DPP10: variants seen among roughly 807,000 people sequenced by gnomAD.
DPP10 encodes inactive dipeptidyl peptidase 10.
A neutral mutation model predicts 120.9 loss-of-function variants in DPP10; 33 were observed. The ratio of observed to expected loss-of-function variants is 0.27; its 90% CI spans 0.21 to 0.37. The LOEUF (loss-of-function observed/expected upper bound fraction) is 0.37, where lower values mean the gene tolerates loss of function less well. Ranked by LOEUF, DPP10 falls within the 10% of genes least tolerant of loss-of-function variation. The pLI is 1.00. For synonymous variants in DPP10, 337 were observed against 326.1 expected (o/e 1.03, Z -0.36); for missense variants, 816 against 942.8 (o/e 0.87, Z 1.76).
At chr2:115,216,560 G>C (rs141347036) in intron 1 of DPP10, among the ~76,000 whole-genome samples, 1 of 152,078 alleles carries the variant, frequency 6.6e-6, no homozygotes, top group Non-Finnish European at 1.5e-5. Flanking sequence ...GAGGCAGGTG[G>C]ATCACCTGAG....
At chr2:114,899,565 A>G (rs1174984155) in intron 1 of DPP10, among the ~76,000 whole-genome samples, 5 of 152,108 alleles carry the variant, frequency 3.3e-5, no homozygotes, top group Admixed American at 6.5e-5. Context: ...CTTAAACACT[A>G]TAGTTTAATT....
chr2:115,632,893 A>G (rs1291170850), intron 5 of DPP10, among the ~76,000 whole-genome samples: 1 of 152,172 alleles, frequency 6.6e-6, no homozygotes, highest in Non-Finnish European at 1.5e-5. Context: ...ACCATCTCAC[A>G]CCAGTTAGAA....
At chr2:115,528,942 A>G (rs2078295644) in intron 5 of DPP10, among the ~76,000 whole-genome samples, 1 of 152,086 alleles carries the variant, frequency 6.6e-6, no homozygotes, top group South Asian at 2.1e-4. Flanking sequence ...TCTTAATTAT[A>G]TAAATGTCAA....
At chr2:115,450,350 G>A (rs181586839) in intron 3 of DPP10, among the ~76,000 whole-genome samples, 1 of 151,998 alleles carries the variant, frequency 6.6e-6, no homozygotes, top group African/African-American at 2.4e-5. Flanking sequence ...TTATATCATC[G>A]CACAGTGGAA....
At chr2:114,869,564 A>G (rs1690520988) in intron 1 of DPP10, among the ~76,000 whole-genome samples, 1 of 152,154 alleles carries the variant, frequency 6.6e-6, no homozygotes, top group Non-Finnish European at 1.5e-5. Context: ...AAGGCAGCCA[A>G]CCCTAGGTTA....
At chr2:115,316,287 A>C (rs575013368) in intron 2 of DPP10, among the ~76,000 whole-genome samples, 1 of 152,348 alleles carries the variant, frequency 6.6e-6, no homozygotes. Flanking sequence ...TCACTCTCTC[A>C]GGCACTTTTA....
At chr2:114,903,977 A>G (rs2106634815) in intron 1 of DPP10, among the ~76,000 whole-genome samples, 1 of 152,366 alleles carries the variant, frequency 6.6e-6, no homozygotes, top group Admixed American at 6.5e-5. Context: ...TACCCAGTAT[A>G]TAATATTTTG....
At chr2:114,479,764 G>A (rs926116854) in intron 1 of DPP10, among the ~76,000 whole-genome samples, 3 of 152,140 alleles carry the variant, frequency 2.0e-5, no homozygotes, top group African/African-American at 7.2e-5. Flanking sequence ...CAAAACCCTA[G>A]AAGAAAACCT....
intron 1 of DPP10, among the ~76,000 whole-genome samples, chr2:115,301,768 A>G (rs2061148072): frequency 6.6e-6 from 1 of 151,956 alleles, no homozygotes; most frequent in African/African-American, 2.4e-5. Flanking sequence ...GCTTTATTGT[A>G]GTTTTTAACC....
At chr2:115,650,884 C>T (rs1056190181) in intron 5 of DPP10, among the ~76,000 whole-genome samples, 16 of 151,792 alleles carry the variant, frequency 1.1e-4, no homozygotes, top group Middle Eastern at 3.2e-3. Flanking sequence ...AAATGTCCAA[C>T]GAAGGGAAGA....
chr2:115,592,911 TATA>T (rs1363464228), intron 5 of DPP10, among the ~76,000 whole-genome samples: 1 of 152,190 alleles, frequency 6.6e-6, no homozygotes, highest in Admixed American at 6.5e-5. Context: ...GCAGGCATTT[TATA>T]ATATGTGAAA....
intron 1 of DPP10, among the ~76,000 whole-genome samples, chr2:114,682,802 A>C (rs1469378809): frequency 6.6e-6 from 1 of 151,612 alleles, no homozygotes; most frequent in African/African-American, 2.4e-5. Context: ...CTATCTATCT[A>C]TCTATCTATC....
At chr2:114,599,830 T>G (rs1692220393) in intron 1 of DPP10, among the ~76,000 whole-genome samples, 1 of 151,756 alleles carries the variant, frequency 6.6e-6, no homozygotes, top group African/African-American at 2.4e-5. Context: ...TTCATATAGA[T>G]TTAATTATTG....
chr2:115,678,013 G>T (rs2090394857), intron 5 of DPP10, among the ~76,000 whole-genome samples: 2 of 152,130 alleles, frequency 1.3e-5, no homozygotes, highest in Non-Finnish European at 2.9e-5. Context: ...ATTATACTTA[G>T]AGCCAAAAAC....
intron 3 of DPP10, among the ~76,000 whole-genome samples, chr2:115,473,436 G>A (rs1184005317): frequency 1.3e-5 from 2 of 152,102 alleles, no homozygotes; most frequent in African/African-American, 4.8e-5. Flanking sequence ...AATGAGTGAG[G>A]GCTCCTTGAC....
intron 1 of DPP10, among the ~76,000 whole-genome samples, chr2:114,599,693 C>A (rs777668740): frequency 6.6e-6 from 1 of 151,602 alleles, no homozygotes; most frequent in Non-Finnish European, 1.5e-5. Context: ...TTTCTGTGAA[C>A]GTACACCTTG....
chr2:114,484,114 G>A (rs747581531), intron 1 of DPP10, among the ~76,000 whole-genome samples: 13 of 152,226 alleles, frequency 8.5e-5, no homozygotes, highest in Non-Finnish European at 1.9e-4. Context: ...CTCCAACTTT[G>A]GAGCCGCTGA....
chr2:114,658,595 A>T (rs1220833883), intron 1 of DPP10, among the ~76,000 whole-genome samples: 1 of 152,102 alleles, frequency 6.6e-6, no homozygotes, highest in African/African-American at 2.4e-5. Context: ...CAGTATCTTC[A>T]GTTTTGTTTG....
chr2:114,884,461 G>A (rs1283091620), intron 1 of DPP10, among the ~76,000 whole-genome samples: 1 of 152,036 alleles, frequency 6.6e-6, no homozygotes, highest in East Asian at 1.9e-4. Context: ...AATTCCTCCA[G>A]GCCACTTCCT....
Sources: allele counts gnomAD v4.1 joint callset (sites outside exome capture counted in the v4.1 genomes callset), GRCh38; gene constraint gnomAD v4.1.1; transcripts MANE v1.5; gene names NCBI Gene and HGNC (gene_info 2026-07-23, HGNC 2026-07-21).